NIBAN1: variants seen among roughly 807,000 people sequenced by gnomAD.
The protein encoded by NIBAN1 is niban apoptosis regulator 1.
Under a neutral mutation model 75.1 loss-of-function variants are expected in NIBAN1, and 81 were observed. The observed-to-expected ratio is 1.08, with a 90% confidence interval of 0.90 to 1.30. The LOEUF (loss-of-function observed/expected upper bound fraction) is 1.30. NIBAN1 is among the 50% of genes most tolerant of loss of function. The pLI, the probability that NIBAN1 is intolerant of heterozygous loss-of-function variation, is 0.00. For missense variants in NIBAN1, 1,133 were observed against 1,128.1 expected (o/e 1.00, Z -0.06); for synonymous variants, 436 against 424.8 (o/e 1.03, Z -0.32).
intron 1 of NIBAN1, among the ~76,000 whole-genome samples, chr1:184,935,126 T>C (rs1657922572): frequency 1.5e-5 from 2 of 135,138 alleles, no homozygotes; most frequent in Admixed American, 1.4e-4. Flanking sequence ...ATAGCAGACA[T>C]TTTTTTTTTA....
intron 1 of NIBAN1, among the ~76,000 whole-genome samples, chr1:184,948,157 A>T (rs1418562713): frequency 6.6e-6 from 1 of 152,252 alleles, no homozygotes; most frequent in Non-Finnish European, 1.5e-5. Context: ...AATTATAGTC[A>T]TTATATAAGC....
intron 1 of NIBAN1, among the ~76,000 whole-genome samples, chr1:184,923,086 A>G (rs1001135255): frequency 1.3e-5 from 2 of 151,926 alleles, no homozygotes; most frequent in African/African-American, 4.8e-5. Context: ...CCATTTGTCC[A>G]TTTTTGCTTT....
intron 3 of NIBAN1, among the ~76,000 whole-genome samples, chr1:184,891,321 A>G (rs976837585): frequency 6.6e-6 from 1 of 152,176 alleles, no homozygotes; most frequent in African/African-American, 2.4e-5. Context: ...TCTATACATA[A>G]TTGAGGGCTC....
At chr1:184,897,230 G>C (rs1656822656) in intron 2 of NIBAN1, among the ~76,000 whole-genome samples, 1 of 149,318 alleles carries the variant, frequency 6.7e-6, no homozygotes, top group African/African-American at 2.5e-5. Context: ...TCCGTGTTTT[G>C]TAGTCCTTGT....
chr1:184,897,714 A>G (rs1022966090), intron 2 of NIBAN1, among the ~76,000 whole-genome samples: 3 of 151,968 alleles, frequency 2.0e-5, no homozygotes, highest in Non-Finnish European at 4.4e-5. Flanking sequence ...ATTCACTCCG[A>G]CTCTTCCTTC....
chr1:184,932,284 C>T (rs114808104), intron 1 of NIBAN1, among the ~76,000 whole-genome samples: 2 of 152,258 alleles, frequency 1.3e-5, no homozygotes, highest in Non-Finnish European at 2.9e-5. Flanking sequence ...AGTAATTTTG[C>T]AACTCACCAT....
intron 1 of NIBAN1, among the ~76,000 whole-genome samples, chr1:184,968,967 A>G (rs867503600): frequency 2.6e-5 from 4 of 152,194 alleles, no homozygotes; most frequent in African/African-American, 7.2e-5. Flanking sequence ...CTGTCCAGCC[A>G]TGGTTACAAT....
intron 1 of NIBAN1, among the ~76,000 whole-genome samples, chr1:184,905,846 G>C (rs574523461): frequency 3.9e-5 from 6 of 152,300 alleles, no homozygotes; most frequent in African/African-American, 1.4e-4. Context: ...ATATTCAAGA[G>C]TAAACCAAAT....
chr1:184,929,186 C>T (rs139378307), intron 1 of NIBAN1, among the ~76,000 whole-genome samples: 1 of 152,106 alleles, frequency 6.6e-6, no homozygotes, highest in Non-Finnish European at 1.5e-5. Context: ...CCCAGCCAGT[C>T]CTTTTCTAAA....
intron 1 of NIBAN1, among the ~76,000 whole-genome samples, chr1:184,968,367 C>G (rs547156052): frequency 6.6e-6 from 1 of 152,176 alleles, no homozygotes; most frequent in African/African-American, 2.4e-5. Context: ...CTAGCAACTC[C>G]TAATTTGCAG....
chr1:184,941,708 T>C (rs1394359545), intron 1 of NIBAN1, among the ~76,000 whole-genome samples: 2 of 151,044 alleles, frequency 1.3e-5, no homozygotes, highest in Admixed American at 1.3e-4. Context: ...TTTAGATACC[T>C]GGGGGTGTGA....
At chr1:184,862,854 T>C (rs1393444603) in intron 5 of NIBAN1, among the ~76,000 whole-genome samples, 1 of 152,096 alleles carries the variant, frequency 6.6e-6, no homozygotes, top group Non-Finnish European at 1.5e-5. Context: ...TTAATAACTT[T>C]TATTTTAAGT....
chr1:184,823,631 T>G lies in NIBAN1; in HGVS notation c.822+7A>C. 6.2e-7 allele frequency: 1 copy of G among 1,613,914 alleles called. No individual in the cohort carries two copies. The highest frequency in any genetic ancestry group is 2.2e-5 in the East Asian group (1 of 44,878). On this transcript the variant is annotated splice_region_variant and intron_variant, in intron 7 of 13. Transcript: ENST00000367511. ...TAGCTCAGTTGTAGAGCAAAACCAT[T>G]GCTTACACCAAGCCACGTCCTCTTT... is the stretch of plus-strand genomic sequence containing the variant.
rs191574270 is a variant in NIBAN1 at position 184,869,838 on chromosome 1, G to A, written c.601+14795C>T. 1.9e-3 allele frequency among the ~76,000 whole-genome samples: 291 copies of A among 152,046 alleles called. 1 individual carries two copies. The highest frequency in any genetic ancestry group is 3.0e-3 in the Non-Finnish European group (205 of 67,940). The stretch of plus-strand genomic sequence containing the variant: ...ATTACGGGCGTGAGCCACTGCGCTC[G>A]GCCCACCATTCACCACTTTTTTATT... On this transcript the variant is annotated intron_variant, in intron 5 of 13. Transcript: ENST00000367511.
At chr1:184,915,760 GGAAAGA>G (rs774966871) in intron 1 of NIBAN1, among the ~76,000 whole-genome samples, 8 of 152,152 alleles carry the variant, frequency 5.3e-5, no homozygotes, top group Non-Finnish European at 1.0e-4. Context: ...GATATAAAAG[GGAAAGA>G]GAAAGAGACA....
At position 184,805,848 on chromosome 1, in the gene NIBAN1, T is replaced by C. The variant is rs190077655; in HGVS notation, c.1446+98A>G. 7.0e-4 allele frequency: 636 copies of C among 912,216 alleles called. 3 individuals are homozygous for C. In the Middle Eastern group the frequency reaches 0.011, roughly 15 times the overall value. 56.5% of individuals were successfully genotyped at this position (912,216 alleles called of 1,614,324 possible). ...TGGGAGAGAAAGGAGTGGGGAAAGATTAGAGCCAAGGAGAGAACTTGGTAT... is the reference window on the plus strand; with the variant it reads ...TGGGAGAGAAAGGAGTGGGGAAAGACTAGAGCCAAGGAGAGAACTTGGTAT... On this transcript the variant is annotated intron_variant, in intron 11 of 13. Transcript: ENST00000367511.
Position 184,794,836 on chromosome 1 carries a change from G to T in NIBAN1, c.*141C>A, listed in dbSNP as rs1330672283. ...GGTTTGCCTCAGTTGCTCATGCCCTGTATGCATTTCCTCTGGTTTTATTAT... is the reference window on the plus strand; with the variant it reads ...GGTTTGCCTCAGTTGCTCATGCCCTTTATGCATTTCCTCTGGTTTTATTAT... On this transcript the variant is annotated 3_prime_UTR_variant, in exon 14 of 14. Transcript: ENST00000367511. 1.8e-6 allele frequency: 2 copies of T among 1,082,258 alleles called. No individual in the cohort carries two copies. Among genetic ancestry groups the T allele is most frequent in the Non-Finnish European group, 2.7e-6 (2 of 730,044 alleles). 67.0% of individuals were successfully genotyped at this position (1,082,258 alleles called of 1,614,324 possible). A position where few individuals can be genotyped will look rare whatever the true frequency, so the allele number is the denominator to read the frequency against.
intron 1 of NIBAN1, among the ~76,000 whole-genome samples, chr1:184,952,431 G>A (rs1658381554): frequency 6.6e-6 from 1 of 152,120 alleles, no homozygotes; most frequent in African/African-American, 2.4e-5. Context: ...AAATAGATGT[G>A]TTCCATGACG....
intron 1 of NIBAN1, among the ~76,000 whole-genome samples, chr1:184,947,901 G>A (rs1412327794): frequency 6.6e-6 from 1 of 152,200 alleles, no homozygotes. Context: ...GGGCATTCAA[G>A]CATGAAGTTA....
Sources: allele counts gnomAD v4.1 joint callset (sites outside exome capture counted in the v4.1 genomes callset), GRCh38; gene constraint gnomAD v4.1.1; transcripts MANE v1.5; gene names NCBI Gene and HGNC (gene_info 2026-07-23, HGNC 2026-07-21).